The following TBCE variants were observed in gnomAD, a reference collection of about 807,000 sequenced individuals.
The protein encoded by TBCE is tubulin-specific chaperone E.
TBCE carries 53 observed loss-of-function variants against 77.0 expected under a neutral mutation model. The ratio of observed to expected loss-of-function variants is 0.69; its 90% CI spans 0.55 to 0.87. TBCE has a LOEUF of 0.87. Among genes scored for constraint, TBCE ranks in the 40% least tolerant of loss-of-function variants. The pLI, the probability that TBCE is intolerant of heterozygous loss-of-function variation, is 0.00. For synonymous variants in TBCE, 235 were observed against 241.3 expected (o/e 0.97, Z 0.24); for missense variants, 624 against 622.4 (o/e 1.00, Z -0.03).
intron 5 of TBCE, among the ~76,000 whole-genome samples, chr1:235,421,465 T>C (rs913497939): frequency 6.6e-6 from 1 of 152,106 alleles, no homozygotes; most frequent in South Asian, 2.1e-4. Context: ...CCCAGTACTT[T>C]GGGAGGCCGA....
chr1:235,387,130 A>T (rs1678060636), intron 2 of TBCE, among the ~76,000 whole-genome samples: 1 of 152,178 alleles, frequency 6.6e-6, no homozygotes, highest in Non-Finnish European at 1.5e-5. Context: ...TGAACCGCGA[A>T]TGCTGCTGTC....
intron 1 of TBCE, among the ~76,000 whole-genome samples, chr1:235,368,157 C>T (rs570519492): frequency 2.0e-5 from 3 of 152,302 alleles, no homozygotes; most frequent in South Asian, 2.1e-4. Context: ...CCACCCGCCT[C>T]GGCCTCCCAA....
intron 1 of TBCE, among the ~76,000 whole-genome samples, chr1:235,369,883 C>G (rs1420344933): frequency 6.6e-6 from 1 of 151,830 alleles, no homozygotes. Context: ...CATCGAAGGT[C>G]CTATGTGACC....
chr1:235,420,754 T>C (rs1205356344), intron 5 of TBCE, among the ~76,000 whole-genome samples: 2 of 152,194 alleles, frequency 1.3e-5, no homozygotes, highest in East Asian at 3.9e-4. Flanking sequence ...GTGCTGGAAT[T>C]ACAGGCGTGA....
chr1:235,414,882 G>A (rs925006654), intron 4 of TBCE: 7 of 420,164 alleles, frequency 1.7e-5, no homozygotes, highest in African/African-American at 6.1e-5. Context: ...ATATTATCTC[G>A]TGTTGACTAA....
intron 5 of TBCE, among the ~76,000 whole-genome samples, chr1:235,420,628 G>A (rs1042136855): frequency 8.5e-5 from 13 of 152,086 alleles, no homozygotes; most frequent in African/African-American, 1.9e-4. Context: ...GGCTACAGGC[G>A]CCCGCCACCA....
intron 15 of TBCE, among the ~76,000 whole-genome samples, chr1:235,446,695 GTT>G (rs11405266): frequency 1.3e-4 from 18 of 138,892 alleles, no homozygotes; most frequent in Admixed American, 2.2e-4. Context: ...GAGTAGGCAG[GTT>G]TTTTTTTTTT....
chr1:235,450,363 G>C lies in TBCE; in HGVS notation c.*1601G>C. 1 of 1,611,934 alleles carries C rather than the reference G, an allele frequency of 6.2e-7. No individual in the cohort carries two copies. Among genetic ancestry groups the C allele is most frequent in the Non-Finnish European group, 8.5e-7 (1 of 1,178,398 alleles). On this transcript the variant is annotated 3_prime_UTR_variant, in exon 17 of 17. Coordinates refer to ENST00000642610, the MANE Select transcript of TBCE (RefSeq NM_003193.5). ...GTCCTGTTGAGAAACAACCAAAGCC[G>C]ATCTGAGAGTGGTGAAACTGTTTTA...
At chr1:235,371,321 G>A (rs952498157) in intron 1 of TBCE, among the ~76,000 whole-genome samples, 1 of 150,326 alleles carries the variant, frequency 6.7e-6, no homozygotes, top group African/African-American at 2.4e-5. Context: ...CTCTCAAACT[G>A]CTGGGATTAC....
intron 15 of TBCE, among the ~76,000 whole-genome samples, chr1:235,446,363 G>C (rs1042480366): frequency 5.3e-5 from 8 of 152,054 alleles, no homozygotes; most frequent in African/African-American, 1.9e-4. Context: ...TTTTAGTAGA[G>C]ACGGGGTTTC....
chr1:235,410,484 CA>C (rs1679722466), intron 3 of TBCE, among the ~76,000 whole-genome samples: 1 of 152,146 alleles, frequency 6.6e-6, no homozygotes, highest in African/African-American at 2.4e-5. Context: ...AGGTCACTCT[CA>C]TCTCCATCTT....
At position 235,449,204 on chromosome 1, in the gene TBCE, C is replaced by T. The variant is rs1682734999; in HGVS notation, c.*442C>T. 8.2e-6 allele frequency: 2 copies of T among 244,812 alleles called. No individual in the cohort carries two copies. The highest frequency in any genetic ancestry group is 5.2e-5 in the Admixed American group (1 of 19,176). 15.2% of individuals were successfully genotyped at this position (244,812 alleles called of 1,614,324 possible). A position where few individuals can be genotyped will look rare whatever the true frequency, so the allele number is the denominator to read the frequency against. On this transcript the variant is annotated 3_prime_UTR_variant, in exon 17 of 17. Coordinates refer to ENST00000642610, the MANE Select transcript of TBCE (RefSeq NM_003193.5). ...TGTCCCTTAAACTTGGGGAGACATC[C>T]TCTACTATGTATAACAATATGCTAT...
chr1:235,441,011 G>A (rs937281328), intron 13 of TBCE: 2 of 152,252 alleles, frequency 1.3e-5, no homozygotes, highest in Non-Finnish European at 2.9e-5. Flanking sequence ...TGAACAGTAT[G>A]TTTAAGGAAG....
intron 12 of TBCE, 22 bp downstream of exon 12, chr1:235,437,496 A>G (rs193004105): frequency 1.9e-6 from 3 of 1,613,162 alleles, no homozygotes; most frequent in Admixed American, 3.3e-5. Flanking sequence ...CGTCATGACT[A>G]GATATTTTTT....
At chr1:235,367,706 G>A (rs1354618817) in intron 1 of TBCE, among the ~76,000 whole-genome samples, 1 of 152,202 alleles carries the variant, frequency 6.6e-6, no homozygotes, top group Non-Finnish European at 1.5e-5. Context: ...TTATTTAGGA[G>A]TAGCCGCACG....
rs1178250843 is a variant in TBCE, at chr1:235,380,002, T to C, written c.-31-17T>C. The stretch of plus-strand genomic sequence containing the variant: ...AATTGTATTAAGTTCTTATCAGTGT[T>C]GTATTTTTCTTCCTAGATCTCATAT... On this transcript the variant is annotated splice_polypyrimidine_tract_variant and intron_variant, in intron 1 of 16. Coordinates refer to ENST00000642610, the MANE Select transcript of TBCE (RefSeq NM_003193.5). 1 of 1,443,492 alleles carries C rather than the reference T, an allele frequency of 6.9e-7. No individual in the cohort carries two copies. 89.4% of individuals were successfully genotyped at this position (1,443,492 alleles called of 1,614,324 possible). A position where few individuals can be genotyped will look rare whatever the true frequency, so the allele number is the denominator to read the frequency against.
chr1:235,434,557 GAGAC>G (rs1398546904), intron 8 of TBCE, among the ~76,000 whole-genome samples: 2 of 50,634 alleles, frequency 3.9e-5, no homozygotes, highest in East Asian at 5.8e-4. Context: ...TTCTTTTTTT[GAGAC>G]AGAGTCTCAC....
intron 15 of TBCE, among the ~76,000 whole-genome samples, chr1:235,443,173 CACACACACACACATATATATAT>C (rs957164647): frequency 6.5e-5 from 9 of 139,346 alleles, no homozygotes; most frequent in Admixed American, 4.4e-4. Context: ...ATTACACACA[CACACACACACACATATATATAT>C]ACACACACAC....
chr1:235,442,039 CCT>C (rs1388333143), intron 14 of TBCE, among the ~76,000 whole-genome samples, 157 bp downstream of exon 14: 4 of 150,722 alleles, frequency 2.7e-5, no homozygotes, highest in African/African-American at 4.9e-5. Flanking sequence ...ACAGAGTCTC[CCT>C]CTGTCTCCCA....
Sources: gnomAD v4.1 joint callset for allele counts (sites outside exome capture counted in the v4.1 genomes callset) on GRCh38, gnomAD v4.1.1 for gene constraint, MANE v1.5 for transcripts, NCBI Gene and HGNC (gene_info 2026-07-23, HGNC 2026-07-21) for gene names.